DGKI: variants seen among roughly 807,000 people sequenced by gnomAD.
DGKI encodes the protein diacylglycerol kinase iota.
A neutral mutation model predicts 147.5 loss-of-function variants in DGKI; 55 were observed. That is an observed-to-expected ratio of 0.37 (90% CI 0.30 to 0.47). The LOEUF (loss-of-function observed/expected upper bound fraction) is 0.47. Among genes scored for constraint, DGKI ranks in the 20% least tolerant of loss-of-function variants. DGKI has a pLI of 1.00. For missense variants in DGKI, 1,007 were observed against 1,323.8 expected (o/e 0.76, Z 3.71); for synonymous variants, 469 against 477.1 (o/e 0.98, Z 0.22).
chr7:137,616,741 C>T (rs935045411), intron 8 of DGKI, among the ~76,000 whole-genome samples: 9 of 152,008 alleles, frequency 5.9e-5, no homozygotes, highest in Admixed American at 6.6e-5. Flanking sequence ...CGTAATGATA[C>T]TCTCCAAAAA....
chr7:137,445,572 T>A lies in DGKI; in HGVS notation c.2736-1470A>T, dbSNP rs186540878. Among the ~76,000 whole-genome samples, 266 of 152,316 alleles carry A rather than the reference T, an allele frequency of 1.7e-3. 2 individuals are homozygous for A. The highest frequency in any genetic ancestry group is 5.9e-4 in the Non-Finnish European group (40 of 68,020). ...ACTGGGTTGTAACCCCCTTGAAAAC[T>A]AAGGCTGTATCTTATTTAGAACAGA... On this transcript the variant is annotated intron_variant, in intron 27 of 32. Coordinates refer to ENST00000614521, the MANE Select transcript of DGKI (RefSeq NM_001321708.2).
chr7:137,428,699 CAA>C (rs1425431115), intron 28 of DGKI, among the ~76,000 whole-genome samples: 4 of 152,094 alleles, frequency 2.6e-5, no homozygotes, highest in Admixed American at 6.5e-5. Flanking sequence ...GCAACTTCAG[CAA>C]AGTCTCAGGA....
intron 1 of DGKI, among the ~76,000 whole-genome samples, chr7:137,817,176 T>G (rs1797763669): frequency 6.6e-6 from 1 of 152,202 alleles, no homozygotes; most frequent in Non-Finnish European, 1.5e-5. Context: ...CCTCTTGACC[T>G]TTGTAGAAGA....
At chr7:137,519,414 C>T (rs1275813378) in intron 21 of DGKI, among the ~76,000 whole-genome samples, 2 of 152,020 alleles carry the variant, frequency 1.3e-5, no homozygotes, top group Non-Finnish European at 2.9e-5. Flanking sequence ...ACTTGGCACA[C>T]CATCAAGAAA....
At chr7:137,635,095 C>T (rs1821263819) in intron 6 of DGKI, among the ~76,000 whole-genome samples, 1 of 152,138 alleles carries the variant, frequency 6.6e-6, no homozygotes, top group Admixed American at 6.5e-5. Context: ...AGAGAGCTTT[C>T]CCTTTGTAAG....
intron 22 of DGKI, 69 bp downstream of exon 22, chr7:137,487,541 T>C (rs909351833): frequency 3.3e-5 from 45 of 1,354,890 alleles, no homozygotes; most frequent in Admixed American, 3.2e-4. Flanking sequence ...GAAGCAAATA[T>C]ATATGGCTGG....
Position 137,731,720 on chromosome 7 carries a change from C to T in DGKI, c.402-41718G>A, listed in dbSNP as rs1280917440. 5.9e-5 allele frequency among the ~76,000 whole-genome samples: 9 copies of T among 152,100 alleles called. No individual in the cohort carries two copies. The South Asian group carries it at 6.2e-4, about 10-fold the overall frequency. On this transcript the variant is annotated intron_variant, in intron 1 of 32. Transcript: ENST00000614521. ...TTGTTCCTCATAATGTTTGATTTCTCGGCTTCCTAAATCTGGCCTCGCCAC... is the reference window on the plus strand; with the variant it reads ...TTGTTCCTCATAATGTTTGATTTCTTGGCTTCCTAAATCTGGCCTCGCCAC...
At chr7:137,426,333 A>C (rs1174878114) in intron 28 of DGKI, among the ~76,000 whole-genome samples, 3 of 152,192 alleles carry the variant, frequency 2.0e-5, no homozygotes, top group Non-Finnish European at 4.4e-5. Context: ...AAAATACTTT[A>C]CAGACAAGCA....
In DGKI at chr7:137,581,644, C is replaced by T. The variant is rs545376272; in HGVS notation, c.1642+206G>A. Among the ~76,000 whole-genome samples the T allele has an allele frequency of 3.3e-5, 5 of 152,134 alleles. No homozygotes were observed. In the South Asian group the frequency reaches 1.0e-3, roughly 32 times the overall value. ...ACCCTGGACAACTAGGTCTCAGGGT[C>T]CCATTTGTCTGAACAACTAGGTCTC... On this transcript the variant is annotated intron_variant, in intron 15 of 32. Coordinates refer to ENST00000614521, the MANE Select transcript of DGKI (RefSeq NM_001321708.2).
intron 30 of DGKI, among the ~76,000 whole-genome samples, chr7:137,402,970 G>C (rs780474955): frequency 6.6e-6 from 1 of 152,190 alleles, no homozygotes; most frequent in Non-Finnish European, 1.5e-5. Context: ...AAAACCAGTA[G>C]GAGGCAATGG....
intron 10 of DGKI, among the ~76,000 whole-genome samples, chr7:137,603,869 G>T (rs1478847545): frequency 6.6e-6 from 1 of 152,180 alleles, no homozygotes; most frequent in Non-Finnish European, 1.5e-5. Context: ...TGCGAGAGAG[G>T]AGACAGCTGA....
chr7:137,566,311 G>A (rs1229962136), intron 19 of DGKI, among the ~76,000 whole-genome samples: 1 of 151,894 alleles, frequency 6.6e-6, no homozygotes, highest in East Asian at 1.9e-4. Flanking sequence ...AAGCAATATA[G>A]TAGTTCAAGA....
At chr7:137,627,340 A>G in intron 6 of DGKI, among the ~76,000 whole-genome samples, 1 of 152,214 alleles carries the variant, frequency 6.6e-6, no homozygotes, top group East Asian at 1.9e-4. Flanking sequence ...ATGGAACTGT[A>G]AGTTCTTTGA....
At chr7:137,453,921 C>CT (rs1238280811) in intron 27 of DGKI, among the ~76,000 whole-genome samples, 9 of 138,502 alleles carry the variant, frequency 6.5e-5, no homozygotes, top group East Asian at 2.9e-4. Flanking sequence ...CTTGAAATAT[C>CT]TTGTTTTTTT....
At chr7:137,553,796 C>T (rs938924908) in intron 19 of DGKI, among the ~76,000 whole-genome samples, 26 of 152,142 alleles carry the variant, frequency 1.7e-4, no homozygotes, top group African/African-American at 6.0e-4. Flanking sequence ...AGCAAGAAAG[C>T]AGAGGAGAAT....
rs188114345 is a variant in DGKI, at chr7:137,695,575, T to G, written c.402-5573A>C. 2.3e-3 allele frequency among the ~76,000 whole-genome samples: 349 copies of G among 152,232 alleles called. 1 individual carries two copies. Among genetic ancestry groups the G allele is most frequent in the African/African-American group, 8.2e-3 (339 of 41,528 alleles). On this transcript the variant is annotated intron_variant, in intron 1 of 32. Coordinates refer to ENST00000614521, the MANE Select transcript of DGKI (RefSeq NM_001321708.2). ...TGGAGCTTATGGAGAACACGTAAGC[T>G]CCATGTCTAACAACACACAGGTAAG...
chr7:137,546,737 T>C (rs1017221065), intron 20 of DGKI, among the ~76,000 whole-genome samples: 8 of 152,146 alleles, frequency 5.3e-5, no homozygotes, highest in Non-Finnish European at 1.2e-4. Context: ...TCCACTCTCT[T>C]ATTTAAAGAG....
intron 12 of DGKI, among the ~76,000 whole-genome samples, chr7:137,589,654 T>C (rs919476882): frequency 6.6e-6 from 1 of 152,194 alleles, no homozygotes; most frequent in Non-Finnish European, 1.5e-5. Flanking sequence ...AGAAGGGGTC[T>C]TAAAGGCCAT....
At chr7:137,401,627 CTA>C (rs1811765469) in intron 30 of DGKI, among the ~76,000 whole-genome samples, 1 of 152,198 alleles carries the variant, frequency 6.6e-6, no homozygotes. Flanking sequence ...ATTGCAGACA[CTA>C]TGCCATCTCC....
Sources: gnomAD v4.1 joint callset for allele counts (sites outside exome capture counted in the v4.1 genomes callset) on GRCh38, gnomAD v4.1.1 for gene constraint, MANE v1.5 for transcripts, NCBI Gene and HGNC (gene_info 2026-07-23, HGNC 2026-07-21) for gene names.